The following TTN variants were observed in gnomAD, a reference collection of about 807,000 sequenced individuals.
TTN encodes connectin.
In TTN, 1,525 loss-of-function variants were observed where a neutral mutation model predicts 3,223.0. The ratio of observed to expected loss-of-function variants is 0.47; its 90% CI spans 0.45 to 0.49. The LOEUF is 0.49. Among genes scored for constraint, TTN ranks in the 20% least tolerant of loss-of-function variants. The pLI, the probability that TTN is intolerant of heterozygous loss-of-function variation, is 0.00. For missense variants in TTN, 40,786 were observed against 43,424.0 expected (o/e 0.94, Z 5.40); for synonymous variants, 14,094 against 15,161.0 (o/e 0.93, Z 5.17).
intron 15 of TTN, 95 bp downstream of exon 15, chr2:178,785,525 A>T: frequency 1.3e-6 from 2 of 1,565,254 alleles, no homozygotes; most frequent in East Asian, 4.5e-5. Context: ...ACCAAAAAAG[A>T]ATCCTCCATT....
chr2:178,619,423 C>T, intron 250 of TTN, 198 bp downstream of exon 250: 1 of 625,602 alleles, frequency 1.6e-6, no homozygotes, highest in Non-Finnish European at 2.7e-6. Context: ...AAGGCTCTGG[C>T]ATGTAAAGAT....
chr2:178,646,104 T>TTTTATATATATATATATA (rs1188641505), intron 216 of TTN, 74 bp from the exon 217 acceptor site: 15 of 37,994 alleles, frequency 3.9e-4, no homozygotes, highest in South Asian at 2.7e-3. Flanking sequence ...TTAATAGAAA[T>TTTTATATATATATATATA]TATATATATA....
rs761828404 is a variant in TTN, at chr2:178,651,895, G to A, written c.39368C>T (p.Ala13123Val). The change falls in exon 205 of 363, where the codon GCG (alanine) becomes GTG (valine). Residue 13123 changes from alanine (A) to valine (V), a missense_variant. Physicochemically the swap from Ala to Val is moderately conservative, Grantham distance 64 (BLOSUM62 0). Coordinates refer to ENST00000589042, the MANE Select transcript of TTN (RefSeq NM_001267550.2). ...AEVVEEPEPAAPPQVTVPPKK... is the reference protein window; with the variant it reads ...AEVVEEPEPAVPPQVTVPPKK... ...TTCTTGCCATGTACCTTGTGGAGGC[G>A]CCGCTGGCTCTGGCTCTTCCACAAC... The A allele has an allele frequency of 2.9e-5, 46 of 1,608,050 alleles. No individual in the cohort carries two copies. The highest frequency in any genetic ancestry group is 1.7e-4 in the Middle Eastern group (1 of 6,040).
rs555618887 is a variant in TTN, at chr2:178,779,115, C to T, written c.3967G>A (p.Ala1323Thr). 2.5e-6 allele frequency: 4 copies of T among 1,613,758 alleles called. No homozygotes were observed. The Admixed American group carries it at 6.7e-5, about 27-fold the overall frequency. ...KMSGYPLPKI[A>T]WYKDGKRIKH... ...ATGCGCTTGCCATCTTTGTACCAAG[C>T]AATCTGCAAAGAATACCATGCATGT... The change falls in exon 24 of 363, where the codon GCT becomes ACT. Residue 1323 changes from alanine to threonine, a missense_variant. Physicochemically the swap from Ala to Thr is moderately conservative, Grantham distance 58 (BLOSUM62 0). Transcript: ENST00000589042.
chr2:178,559,474 C>T lies in TTN; in HGVS notation c.86658G>A (p.Glu28886=), dbSNP rs760858743. The T allele has an allele frequency of 1.2e-4, 200 of 1,613,558 alleles. 3 individuals are homozygous for T. The Admixed American group carries it at 3.3e-3, about 26-fold the overall frequency. Residue 28886 remains glutamate (E), a synonymous_variant, in exon 326 of 363, where the codon GAG becomes GAA. Coordinates refer to ENST00000589042, the MANE Select transcript of TTN (RefSeq NM_001267550.2). ...PVKNYHIEKR[E]ASKKAWVSVT... ...CAGAGACCCATGCTTTCTTGCTGGCCTCACGTTTTTCTATGTGGTAATTCT... is the reference window on the plus strand; with the variant it reads ...CAGAGACCCATGCTTTCTTGCTGGCTTCACGTTTTTCTATGTGGTAATTCT...
intron 46 of TTN, chr2:178,753,789 A>C (rs559713225): frequency 6.6e-6 from 1 of 152,430 alleles, no homozygotes; most frequent in Admixed American, 6.5e-5. Context: ...TATCACTCTC[A>C]GTCTTCAGTC....
Position 178,672,014 on chromosome 2 carries a change from A to G in TTN, c.35184T>C (p.Ala11728=). ...KVHRVIEVFE[A]EEVEVFEKPK... is the part of the protein sequence containing the mutation. Reference sequence around the variant, plus strand: ...GTTTTTCAAATACTTCCACTTCTTCAGCCTCAAAAACTTCTATTACCCTAT... The same window carrying G: ...GTTTTTCAAATACTTCCACTTCTTCGGCCTCAAAAACTTCTATTACCCTAT... The change falls in exon 155 of 363, where the codon GCT becomes GCC. Residue 11728 remains alanine, a synonymous_variant. Coordinates refer to ENST00000589042, the MANE Select transcript of TTN (RefSeq NM_001267550.2). 6.2e-7 allele frequency: 1 copy of G among 1,608,204 alleles called. No individual in the cohort carries two copies. The highest frequency in any genetic ancestry group is 8.5e-7 in the Non-Finnish European group (1 of 1,178,232).
chr2:178,681,758 G>C lies in TTN; in HGVS notation c.33095-20C>G. ...CTGGTTCTTTAAAAGTACATACAAG[G>C]TATTTCATGTTAGACTTAGAATATA... On this transcript the variant is annotated intron_variant, in intron 135 of 362. Coordinates refer to ENST00000589042, the MANE Select transcript of TTN (RefSeq NM_001267550.2). 6.5e-7 allele frequency: 1 copy of C among 1,549,266 alleles called. No individual in the cohort carries two copies. Among genetic ancestry groups the C allele is most frequent in the Non-Finnish European group, 8.7e-7 (1 of 1,146,836 alleles).
chr2:178,793,419 G>C lies in TTN; in HGVS notation c.1521C>G (p.His507Gln), dbSNP rs372875660. Residue 507 changes from histidine (H) to glutamine (Q), a missense_variant, in exon 9 of 363, where the codon CAC (histidine) becomes CAG (glutamine). Coordinates refer to ENST00000589042, the MANE Select transcript of TTN (RefSeq NM_001267550.2). ...CCATTTTCACCTGCTCATGAGTTAC[G>C]TGCATCTGCTCTTGCTTTGTGGTAA... Reference protein sequence around the residue: ...EVITTKQEQMHVTHEQIRKET... With the variant: ...EVITTKQEQMQVTHEQIRKET... The C allele has an allele frequency of 1.4e-5, 23 of 1,613,970 alleles. No homozygotes were observed. Among genetic ancestry groups the C allele is most frequent in the East Asian group, 2.2e-5 (1 of 44,902 alleles).
At chr2:178,601,937 G>A (rs1281762102) in intron 284 of TTN, 23 bp from the exon 285 acceptor site, 9 of 1,612,550 alleles carry the variant, frequency 5.6e-6, no homozygotes, top group Non-Finnish European at 7.6e-6. Context: ...GAGACAGTCA[G>A]TTGTAGTATA....
In TTN at chr2:178,573,753, C is replaced by T. The variant is rs149763294; in HGVS notation, c.72379G>A (p.Glu24127Lys). The T allele has an allele frequency of 2.8e-4, 451 of 1,583,008 alleles. No individual in the cohort carries two copies. Among genetic ancestry groups the T allele is most frequent in the African/African-American group, 1.8e-3 (133 of 73,630 alleles). ...VKVLDRPGPPEGPLAVTEVTS... is the reference protein window; with the variant it reads ...VKVLDRPGPPKGPLAVTEVTS... Reference sequence around the variant, plus strand: ...ACTTCAGTTACAGCCAAAGGTCCTTCAGGTGGGCCTGGTCTGTCAAGAACT... The same window carrying T: ...ACTTCAGTTACAGCCAAAGGTCCTTTAGGTGGGCCTGGTCTGTCAAGAACT... Residue 24127 changes from glutamate to lysine, a missense_variant, in exon 326 of 363, where the codon GAA (glutamate) becomes AAA (lysine). Physicochemically the swap from Glu to Lys is moderately conservative, Grantham distance 56. Transcript: ENST00000589042.
At chr2:178,600,614 T>C in intron 288 of TTN, 1 of 527,624 alleles carries the variant, frequency 1.9e-6, no homozygotes, top group Non-Finnish European at 3.4e-6. Flanking sequence ...GCGAGGAAAA[T>C]TACAGCGAGG....
chr2:178,548,704 T>C lies in TTN; in HGVS notation c.92922A>G (p.Thr30974=), dbSNP rs1350209575. 1 of 1,613,854 alleles carries C rather than the reference T, an allele frequency of 6.2e-7. No individual in the cohort carries two copies. The highest frequency in any genetic ancestry group is 1.7e-5 in the Admixed American group (1 of 60,016). The change falls in exon 339 of 363, where the codon ACA becomes ACG. Residue 30974 remains threonine, a synonymous_variant. Coordinates refer to ENST00000589042, the MANE Select transcript of TTN (RefSeq NM_001267550.2). This position sits in a 1 kb window ranked among gnomAD's most constrained non-coding sequence, Gnocchi z 4.3. ...SNLSLRADIH[T]TDSFSTLTVE... ...CAGTGAGGGTGCTGAAGGAATCTGT[T>C]GTATGGATATCAGCCCGAAGGCTAA...
Position 178,776,744 on chromosome 2 carries a change from T to C in TTN, c.5120A>G (p.Lys1707Arg). ...CTTAAGTCTTAAGGAAGTGAGTTTT[T>C]TCTTGAAAAATGGTTTCTGTTGTTT... ...KEKQQKPFFK[K>R]KLTSLRLKRF... The change falls in exon 28 of 363, where the codon AAA (lysine) becomes AGA (arginine). Residue 1707 changes from lysine (K) to arginine (R), a missense_variant. Transcript: ENST00000589042. 6.2e-7 allele frequency: 1 copy of C among 1,614,094 alleles called. No homozygotes were observed. The highest frequency in any genetic ancestry group is 8.5e-7 in the Non-Finnish European group (1 of 1,180,016).
Position 178,770,148 on chromosome 2 carries a change from C to G in TTN, c.8553G>C (p.Leu2851=), listed in dbSNP as rs552089983. Residue 2851 remains leucine, a synonymous_variant, in exon 36 of 363, where the codon CTG becomes CTC. Transcript: ENST00000589042. ...CTGAGGGGGAGATGTTCTGCAGCAT[C>G]AGCTTGTGGACTTTCCTTTCTGAGA... ...RLVSERKVHK[L]MLQNISPSDA... 1 of 1,614,152 alleles carries G rather than the reference C, an allele frequency of 6.2e-7. No individual in the cohort carries two copies. Among genetic ancestry groups the G allele is most frequent in the Admixed American group, 1.7e-5 (1 of 60,018 alleles).
intron 8 of TTN, among the ~76,000 whole-genome samples, 169 bp from the exon 9 acceptor site, chr2:178,793,710 G>GA (rs1203946430): frequency 2.0e-5 from 3 of 152,180 alleles, no homozygotes; most frequent in Non-Finnish European, 4.4e-5. Context: ...TGAGGCACAA[G>GA]AATCACTTAA....
intron 9 of TTN, among the ~76,000 whole-genome samples, chr2:178,792,694 G>T (rs754254963): frequency 2.5e-4 from 38 of 152,030 alleles, no homozygotes; most frequent in Non-Finnish European, 5.3e-4. Flanking sequence ...TTTCCATCTG[G>T]GCACCTAAGG....
In TTN at chr2:178,595,617, T is replaced by C; in HGVS notation, c.57737A>G (p.Gln19246Arg). The change falls in exon 295 of 363, where the codon CAG (glutamine) becomes CGG (arginine). Residue 19246 changes from glutamine (Q) to arginine (R), a missense_variant. Gln to Arg is a conservative substitution (Grantham distance 43). Transcript: ENST00000589042. ...GTAGGCTTTTCCTTGAATGAGACCCTGGACAGTAGCATTTTGTCGGGTAAC... is the reference window on the plus strand; with the variant it reads ...GTAGGCTTTTCCTTGAATGAGACCCCGGACAGTAGCATTTTGTCGGGTAAC... ...YTVTRQNATVQGLIQGKAYFF... is the reference protein window; with the variant it reads ...YTVTRQNATVRGLIQGKAYFF... The C allele has an allele frequency of 6.3e-7, 1 of 1,599,956 alleles. No individual in the cohort carries two copies. Among genetic ancestry groups the C allele is most frequent in the South Asian group, 1.1e-5 (1 of 88,526 alleles).
chr2:178,759,053 C>T lies in TTN; in HGVS notation c.10234G>A (p.Gly3412Arg). 2 of 1,613,996 alleles carry T rather than the reference C, an allele frequency of 1.2e-6. No individual in the cohort carries two copies. The highest frequency in any genetic ancestry group is 8.5e-7 in the Non-Finnish European group (1 of 1,179,948). Residue 3412 changes from glycine (G) to arginine (R), a missense_variant, in exon 44 of 363, where the codon GGA (glycine) becomes AGA (arginine). Coordinates refer to ENST00000589042, the MANE Select transcript of TTN (RefSeq NM_001267550.2). ...TTACTAGCAACAAACGTGTAAGTTC[C>T]TTCATCTTCTGGATAAGCTTCGGCA... ...EIAEAYPEDE[G>R]TYTFVASNAV...
Sources: gnomAD v4.1 joint callset for allele counts (sites outside exome capture counted in the v4.1 genomes callset) on GRCh38, gnomAD v4.1.1 for gene constraint, Gnocchi (gnomAD v3.1) non-coding constraint, MANE v1.5 for transcripts, NCBI Gene and HGNC (gene_info 2026-07-23, HGNC 2026-07-21) for gene names.